Variants in NPY4R observed in about 807,000 individuals in gnomAD.
NPY4R encodes neuropeptide Y receptor Y4.
In NPY4R, 2 loss-of-function variants were observed where a neutral mutation model predicts 11.9. The observed-to-expected ratio is 0.17, with a 90% CI of 0.07 to 0.53. The LOEUF is 0.53. Among genes scored for constraint, NPY4R ranks in the 20% least tolerant of loss-of-function variants. The pLI, the probability that NPY4R is intolerant of heterozygous loss-of-function variation, is 0.94. For missense variants in NPY4R, 26 were observed against 280.2 expected, an observed-to-expected ratio of 0.09 and a Z score of 6.48; for synonymous variants, 8 against 121.7, an observed-to-expected ratio of 0.07 and a Z score of 6.15.
upstream of NPY4R, among the ~76,000 whole-genome samples, chr10:46,466,249 T>TTC (rs1277829870): frequency 1.2e-4 from 8 of 67,804 alleles, 1 homozygote; most frequent in African/African-American, 1.6e-4. Flanking sequence ...CTTTCTTTCT[T>TTC]TCTTTCTTTC....
At chr10:46,466,227 C>CTTT (rs1222790736), upstream of NPY4R, among the ~76,000 whole-genome samples, 9 of 67,264 alleles carry the variant, frequency 1.3e-4, 1 homozygote, top group East Asian at 1.6e-3. Flanking sequence ...TTCTTTCTTT[C>CTTT]TTTCTTTCTT....
chr10:46,468,090 C>T (rs1338694862), upstream of NPY4R, among the ~76,000 whole-genome samples: 1 of 125,770 alleles, frequency 8.0e-6, no homozygotes, highest in Non-Finnish European at 1.7e-5. Flanking sequence ...GAAAACTGAG[C>T]CTCAAAGAAG....
At chr10:46,466,261 TTCCTTTCTTTCTTTCTTTCTTTCTC>T (rs1841041679), upstream of NPY4R, among the ~76,000 whole-genome samples, 187 of 62,790 alleles carry the variant, frequency 3.0e-3, 22 homozygotes, top group African/African-American at 0.017. Flanking sequence ...CTTTCTTTCT[TTCCTTTCTTTCTTTCTTTCTTTCTC>T]TCTCTCTCTC....
chr10:46,466,252 T>TTCCTTCCTTCC (rs1841037706), upstream of NPY4R, among the ~76,000 whole-genome samples: 2 of 72,972 alleles, frequency 2.7e-5, no homozygotes, highest in Non-Finnish European at 5.3e-5. Flanking sequence ...TCTTTCTTTC[T>TTCCTTCCTTCC]TTCTTTCTTT....
chr10:46,464,267 G>A (rs1554990572), intron 1 of NPY4R, among the ~76,000 whole-genome samples: 1 of 151,102 alleles, frequency 6.6e-6, no homozygotes, highest in Non-Finnish European at 1.5e-5. Context: ...TACATGGGAG[G>A]GTGAAGCAGG....
chr10:46,466,289 TCTCTCTCTCTCTCC>T (rs1841050075), upstream of NPY4R, among the ~76,000 whole-genome samples: 1 of 91,742 alleles, frequency 1.1e-5, no homozygotes, highest in African/African-American at 4.8e-5. Context: ...TCTTTCTCTC[TCTCTCTCTCTCTCC>T]CTCCCTCCCC....
upstream of NPY4R, among the ~76,000 whole-genome samples, chr10:46,466,255 CTTTCTTTCCTTTCTTTCTT>C (rs1257576986): frequency 4.6e-5 from 3 of 64,824 alleles, no homozygotes; most frequent in African/African-American, 3.1e-4. Flanking sequence ...TTCTTTCTTT[CTTTCTTTCCTTTCTTTCTT>C]TCTTTCTTTC....
At chr10:46,466,181 C>CTCTCTTTCTTTCTTTCTTCTT (rs1283571743), upstream of NPY4R, among the ~76,000 whole-genome samples, 14 of 22,302 alleles carry the variant, frequency 6.3e-4, no homozygotes, top group South Asian at 1.5e-3. Context: ...CTGTCTTTCT[C>CTCTCTTTCTTTCTTTCTTCTT]TCTTTCTTTC....
At chr10:46,467,520 TA>T (rs1588927591), upstream of NPY4R, among the ~76,000 whole-genome samples, 5 of 151,084 alleles carry the variant, frequency 3.3e-5, no homozygotes, top group East Asian at 9.7e-4. Context: ...GAAGCAGATG[TA>T]GCAGCCTAGT....
chr10:46,466,193 TTCTTTCTTTCTTTC>T, upstream of NPY4R, among the ~76,000 whole-genome samples: 1 of 20,022 alleles, frequency 5.0e-5, no homozygotes, highest in African/African-American at 2.4e-4. Context: ...CTTTCTTTCT[TTCTTTCTTTCTTTC>T]TTTCTTTCTT....
chr10:46,464,202 C>G (rs1840942039), intron 1 of NPY4R, among the ~76,000 whole-genome samples: 1 of 152,132 alleles, frequency 6.6e-6, no homozygotes, highest in South Asian at 2.1e-4. Flanking sequence ...AACCCCGTCT[C>G]CGCTGAAAAT....
chr10:46,466,250 T>TC (rs1491277458), upstream of NPY4R, among the ~76,000 whole-genome samples: 7 of 66,742 alleles, frequency 1.0e-4, no homozygotes, highest in East Asian at 4.6e-4. Context: ...TTTCTTTCTT[T>TC]CTTTCTTTCT....
upstream of NPY4R, among the ~76,000 whole-genome samples, chr10:46,466,249 TTCTTTCTTTCTTTCC>T (rs1841035832): frequency 1.5e-5 from 1 of 67,778 alleles, no homozygotes; most frequent in African/African-American, 7.8e-5. Flanking sequence ...CTTTCTTTCT[TTCTTTCTTTCTTTCC>T]TTTCTTTCTT....
At chr10:46,466,181 C>CTCTCTCTT (rs1283571743), upstream of NPY4R, among the ~76,000 whole-genome samples, 2 of 22,326 alleles carry the variant, frequency 9.0e-5, no homozygotes, top group African/African-American at 3.6e-4. Context: ...CTGTCTTTCT[C>CTCTCTCTT]TCTTTCTTTC....
rs1206080567 is a variant in NPY4R at position 46,465,832 on chromosome 10, G to C, written c.-370C>G. On this transcript the variant is annotated 5_prime_UTR_variant, in exon 1 of 3. Transcript: ENST00000374312. Reference sequence around the variant, plus strand: ...GGCAGCGCGCCCGGCTTCCCGGAGGGTTCGTACCGGGGCCCACTCGGCCCC... The same window carrying C: ...GGCAGCGCGCCCGGCTTCCCGGAGGCTTCGTACCGGGGCCCACTCGGCCCC... 1.4e-5 allele frequency: 2 copies of C among 146,686 alleles called. No individual in the cohort carries two copies. The highest frequency in any genetic ancestry group is 3.0e-5 in the Non-Finnish European group (2 of 65,580). The allele number at this position is 146,686 out of a possible 1,614,324, so 9.1% of individuals were successfully genotyped here. A position where few individuals can be genotyped will look rare whatever the true frequency, so the allele number is the denominator to read the frequency against.
At chr10:46,466,247 CTTTCTTTCT>C (rs1841034951), upstream of NPY4R, among the ~76,000 whole-genome samples, 14 of 68,784 alleles carry the variant, frequency 2.0e-4, no homozygotes, top group South Asian at 3.7e-4. Flanking sequence ...TTCTTTCTTT[CTTTCTTTCT>C]TTCTTTCCTT....
At chr10:46,466,181 C>CTCTCTTTCTTTCTTTCTTCTTTCTT (rs1283571743), upstream of NPY4R, among the ~76,000 whole-genome samples, 3 of 22,326 alleles carry the variant, frequency 1.3e-4, no homozygotes, top group East Asian at 1.0e-3. Flanking sequence ...CTGTCTTTCT[C>CTCTCTTTCTTTCTTTCTTCTTTCTT]TCTTTCTTTC....
At chr10:46,466,242 TCTTTCTTTCTTTCTTTCTTTC>T (rs1372120880), upstream of NPY4R, among the ~76,000 whole-genome samples, 38 of 69,974 alleles carry the variant, frequency 5.4e-4, 1 homozygote, top group African/African-American at 1.4e-3. Flanking sequence ...TTTCTTTCTT[TCTTTCTTTCTTTCTTTCTTTC>T]CTTTCTTTCT....
upstream of NPY4R, among the ~76,000 whole-genome samples, chr10:46,466,168 G>A (rs1841013743): frequency 2.4e-5 from 1 of 41,808 alleles, no homozygotes; most frequent in African/African-American, 5.9e-5. Context: ...GGCTGGAGCT[G>A]CGCTGTCTTT....
Sources: allele counts gnomAD v4.1 joint callset (sites outside exome capture counted in the v4.1 genomes callset), GRCh38; gene constraint gnomAD v4.1.1; transcripts MANE v1.5; gene names NCBI Gene and HGNC (gene_info 2026-07-23, HGNC 2026-07-21).